Variants in AFF3 observed in about 807,000 individuals in gnomAD.
AFF3 encodes the protein AF4/FMR2 family member 3.
AFF3 carries 32 observed loss-of-function variants against 129.7 expected under a neutral mutation model. That is an observed-to-expected ratio of 0.25 (90% confidence interval 0.19 to 0.33). The LOEUF is 0.33. Ranked by LOEUF, AFF3 falls within the 10% of genes least tolerant of loss-of-function variation. The probability of loss-of-function intolerance (pLI) is 1.00; values close to 1 mark genes in which losing one functional copy is unlikely to be tolerated. For synonymous variants in AFF3, 644 were observed against 635.4 expected, an observed-to-expected ratio of 1.01 and a Z score of -0.20; for missense variants, 1,373 against 1,592.0, an observed-to-expected ratio of 0.86 and a Z score of 2.34.
At chr2:99,558,387 G>A (rs1246830411) in intron 22 of AFF3, among the ~76,000 whole-genome samples, 1 of 152,144 alleles carries the variant, frequency 6.6e-6, no homozygotes, top group Non-Finnish European at 1.5e-5. Flanking sequence ...CTGGGAGGTG[G>A]AGGCGGGGAG....
intron 7 of AFF3, among the ~76,000 whole-genome samples, chr2:99,895,502 T>C (rs907709474): frequency 2.0e-5 from 3 of 152,142 alleles, no homozygotes; most frequent in African/African-American, 7.2e-5. Context: ...TTGAACTGCA[T>C]CCATTTACAT....
chr2:99,729,556 A>G (rs1679639629), intron 10 of AFF3, among the ~76,000 whole-genome samples: 1 of 152,182 alleles, frequency 6.6e-6, no homozygotes, highest in Non-Finnish European at 1.5e-5. Flanking sequence ...TTCAGAAAGA[A>G]TAAAACACAA....
chr2:99,897,295 T>C (rs1694044501), intron 7 of AFF3, among the ~76,000 whole-genome samples: 1 of 152,172 alleles, frequency 6.6e-6, no homozygotes. Context: ...TACTTTGAAA[T>C]TTCATTTTCA....
At chr2:99,622,245 C>A (rs1260147210) in intron 13 of AFF3, among the ~76,000 whole-genome samples, 2 of 152,164 alleles carry the variant, frequency 1.3e-5, no homozygotes, top group African/African-American at 4.8e-5. Context: ...ACTGCAGAGG[C>A]TGTGCCCCCA....
intron 10 of AFF3, among the ~76,000 whole-genome samples, chr2:99,727,782 G>C (rs1307140333): frequency 6.6e-6 from 1 of 151,996 alleles, no homozygotes; most frequent in Non-Finnish European, 1.5e-5. Context: ...GGCTGGTCTC[G>C]AACTCCTGAC....
In AFF3 at chr2:99,851,899, T is replaced by C. The variant is rs563407293; in HGVS notation, c.874-14375A>G. On this transcript the variant is annotated intron_variant, in intron 7 of 24. Coordinates refer to ENST00000672756, the MANE Select transcript of AFF3 (RefSeq NM_001386135.1). ...GTAACCTTCAATATTAACGTTTTTT[T>C]CCCCCATCAGTGCAGGCCTAAGACA... Among the ~76,000 whole-genome samples the C allele has an allele frequency of 1.5e-4, 23 of 152,252 alleles. No homozygotes were observed. The East Asian group carries it at 4.1e-3, about 27-fold the overall frequency.
intron 11 of AFF3, among the ~76,000 whole-genome samples, chr2:99,705,065 A>C (rs1309366983): frequency 6.6e-6 from 1 of 152,228 alleles, no homozygotes; most frequent in Non-Finnish European, 1.5e-5. Context: ...GTAGGATGGC[A>C]GCAAAGAATA....
rs544917219 is a variant in AFF3, at chr2:99,700,224, G to A, written c.1091+26853C>T. Among the ~76,000 whole-genome samples, 12 of 152,136 alleles carry A rather than the reference G, an allele frequency of 7.9e-5. No individual in the cohort carries two copies. The South Asian group carries it at 8.3e-4, about 11-fold the overall frequency. Reference sequence around the variant, plus strand: ...CAACCTCCGCCTGCCGGGTTCATGCGATTCTCCTGCCTCAGCCTCCCAAAT... The same window carrying A: ...CAACCTCCGCCTGCCGGGTTCATGCAATTCTCCTGCCTCAGCCTCCCAAAT... On this transcript the variant is annotated intron_variant, in intron 11 of 24. Coordinates refer to ENST00000672756, the MANE Select transcript of AFF3 (RefSeq NM_001386135.1).
chr2:100,105,169 C>G, intron 3 of AFF3: 1 of 368,170 alleles, frequency 2.7e-6, no homozygotes, highest in South Asian at 9.4e-5. Flanking sequence ...CCCGGCCCCG[C>G]CCGGCCTTGC....
intron 7 of AFF3, among the ~76,000 whole-genome samples, chr2:99,915,436 T>C (rs192546193): frequency 8.8e-4 from 134 of 152,306 alleles, no homozygotes; most frequent in African/African-American, 3.1e-3. Context: ...GATACCTATT[T>C]AGTTTCATCA....
At chr2:99,745,930 A>C (rs1437507264) in intron 9 of AFF3, among the ~76,000 whole-genome samples, 4 of 152,138 alleles carry the variant, frequency 2.6e-5, no homozygotes, top group Non-Finnish European at 5.9e-5. Flanking sequence ...TGGGTATGCA[A>C]AGGCACATAG....
At chr2:99,681,657 C>G (rs1674534538) in intron 11 of AFF3, among the ~76,000 whole-genome samples, 1 of 152,174 alleles carries the variant, frequency 6.6e-6, no homozygotes, top group Non-Finnish European at 1.5e-5. Flanking sequence ...TATGAGGACC[C>G]AGCTCGTAGG....
At chr2:99,818,280 A>T (rs1434855020) in intron 8 of AFF3, among the ~76,000 whole-genome samples, 1 of 152,246 alleles carries the variant, frequency 6.6e-6, no homozygotes, top group Non-Finnish European at 1.5e-5. Flanking sequence ...AGCATTTCAG[A>T]TAAGAGATAC....
At chr2:99,941,039 A>G (rs1323023835) in intron 7 of AFF3, among the ~76,000 whole-genome samples, 1 of 152,154 alleles carries the variant, frequency 6.6e-6, no homozygotes, top group Non-Finnish European at 1.5e-5. Context: ...GAGGCTAAAG[A>G]CACTGTGGTA....
chr2:99,914,549 T>C (rs1695328168), intron 7 of AFF3, among the ~76,000 whole-genome samples: 1 of 152,186 alleles, frequency 6.6e-6, no homozygotes, highest in Non-Finnish European at 1.5e-5. Context: ...TTCTGGATTT[T>C]GATCATTATA....
At chr2:99,890,146 T>A (rs1693440516) in intron 7 of AFF3, among the ~76,000 whole-genome samples, 2 of 152,248 alleles carry the variant, frequency 1.3e-5, no homozygotes, top group South Asian at 4.1e-4. Context: ...TGTACCAGCA[T>A]ACGCCTGGAG....
chr2:99,594,386 A>G, intron 14 of AFF3, 97 bp from the exon 15 acceptor site: 1 of 1,486,240 alleles, frequency 6.7e-7, no homozygotes, highest in South Asian at 1.4e-5. Flanking sequence ...TTCTCTAAGT[A>G]TATGAGCAGA....
chr2:99,644,384 G>A, intron 13 of AFF3, among the ~76,000 whole-genome samples: 1 of 151,722 alleles, frequency 6.6e-6, no homozygotes. Flanking sequence ...ATAATTTTTT[G>A]CAGCCTCTCG....
rs535168178 is a variant in AFF3, at chr2:99,896,584, A to G, written c.874-59060T>C. Among the ~76,000 whole-genome samples, 12 of 107,348 alleles carry G rather than the reference A, an allele frequency of 1.1e-4. No homozygotes were observed. In the South Asian group the frequency reaches 4.1e-3, roughly 37 times the overall value. The allele number at this position is 107,348 out of a possible 152,430, so 70.4% of individuals were successfully genotyped here. A position where few individuals can be genotyped will look rare whatever the true frequency, so the allele number is the denominator to read the frequency against. ...AAATGACTCTAAATTTCTAGTCAAG[A>G]TGTTTCATTTGATCATTTACTTCCC... On this transcript the variant is annotated intron_variant, in intron 7 of 24. Coordinates refer to ENST00000672756, the MANE Select transcript of AFF3 (RefSeq NM_001386135.1).
Sources: allele counts gnomAD v4.1 joint callset (sites outside exome capture counted in the v4.1 genomes callset), GRCh38; gene constraint gnomAD v4.1.1; transcripts MANE v1.5; gene names NCBI Gene and HGNC (gene_info 2026-07-23, HGNC 2026-07-21).